The following STXBP4 variants were observed in gnomAD, a reference collection of about 807,000 sequenced individuals.
STXBP4 encodes syntaxin binding protein 4, also known as syntaxin-binding protein 4.
STXBP4 carries 55 observed loss-of-function variants against 76.1 expected under a neutral mutation model. That is an observed-to-expected ratio of 0.72 (90% CI 0.58 to 0.91). STXBP4 has a LOEUF of 0.91. Ranked by LOEUF, STXBP4 falls within the 40% of genes least tolerant of loss-of-function variation. STXBP4 has a pLI of 0.00. For missense variants in STXBP4, 618 were observed against 636.9 expected, an observed-to-expected ratio of 0.97 and a Z score of 0.32; for synonymous variants, 201 against 220.2, an observed-to-expected ratio of 0.91 and a Z score of 0.77.
At chr17:55,115,012 G>T (rs989178781) in intron 16 of STXBP4, among the ~76,000 whole-genome samples, 2 of 151,872 alleles carry the variant, frequency 1.3e-5, no homozygotes. Context: ...AAATGTTTTT[G>T]CCCTGTCCTA....
Position 55,073,058 on chromosome 17 carries a change from T to A in STXBP4, c.1170T>A (p.Asp390Glu). 1 of 1,613,698 alleles carries A rather than the reference T, an allele frequency of 6.2e-7. No individual in the cohort carries two copies. Among genetic ancestry groups the A allele is most frequent in the Non-Finnish European group, 8.5e-7 (1 of 1,179,844 alleles). ...KITELKAQLA[D>E]YSDQNKESVQ... ...CAGAGCTAAAGGCTCAGCTTGCTGA[T>A]TATTCTGACCAAAATAAAGTAAGCA... The change falls in exon 13 of 18, where the codon GAT (aspartate) becomes GAA (glutamate). Residue 390 changes from aspartate (D) to glutamate (E), a missense_variant. Physicochemically the swap from Asp to Glu is conservative, Grantham distance 45. Transcript: ENST00000376352.
Position 55,162,382 on chromosome 17 carries a change from T to A in STXBP4, c.*2471T>A, listed in dbSNP as rs1257081243. ...TGACTCACTGGCTTGGATTTTAGGG[T>A]TAGAAAATCTGAATGTTCTTATGTC... On this transcript the variant is annotated 3_prime_UTR_variant, in exon 18 of 18. Coordinates refer to ENST00000376352, the MANE Select transcript of STXBP4 (RefSeq NM_178509.6). 1.3e-5 allele frequency: 2 copies of A among 152,160 alleles called. No individual in the cohort carries two copies. Among genetic ancestry groups the A allele is most frequent in the Non-Finnish European group, 2.9e-5 (2 of 68,018 alleles). 9.4% of individuals were successfully genotyped at this position (152,160 alleles called of 1,614,324 possible). A position where few individuals can be genotyped will look rare whatever the true frequency, so the allele number is the denominator to read the frequency against.
At chr17:55,208,328 T>G in the STXBP4 span, among the ~76,000 whole-genome samples, 1 of 152,068 alleles carries the variant, frequency 6.6e-6, no homozygotes, top group East Asian at 1.9e-4. Context: ...TGTGCACCTG[T>G]TGCACCCAGT....
At chr17:55,151,151 A>G (rs989792180) in intron 17 of STXBP4, among the ~76,000 whole-genome samples, 4 of 152,172 alleles carry the variant, frequency 2.6e-5, no homozygotes, top group East Asian at 1.9e-4. Context: ...TTACACAACT[A>G]TAAGATAGTA....
chr17:54,975,380 C>T (rs1332111432), intron 1 of STXBP4, among the ~76,000 whole-genome samples: 1 of 152,132 alleles, frequency 6.6e-6, no homozygotes, highest in East Asian at 1.9e-4. Flanking sequence ...TTTATGCAGC[C>T]AGTCCTGGTC....
intron 4 of STXBP4, among the ~76,000 whole-genome samples, chr17:54,995,329 T>A (rs1054616533): frequency 4.6e-5 from 7 of 152,342 alleles, no homozygotes; most frequent in Non-Finnish European, 8.8e-5. Flanking sequence ...AGTTCTCAAA[T>A]GTTCATTTTT....
intron 16 of STXBP4, among the ~76,000 whole-genome samples, chr17:55,126,264 A>G (rs908846725): frequency 6.6e-6 from 1 of 152,194 alleles, no homozygotes; most frequent in African/African-American, 2.4e-5. Flanking sequence ...ACAGATGCCA[A>G]CCTCCAAAAG....
chr17:55,103,274 TAA>T (rs2079588087), intron 16 of STXBP4, among the ~76,000 whole-genome samples: 1 of 152,256 alleles, frequency 6.6e-6, no homozygotes, highest in Non-Finnish European at 1.5e-5. Context: ...GTCTTATATT[TAA>T]GTCTTTAATC....
chr17:55,057,367 A>G (rs1202997054), intron 12 of STXBP4, among the ~76,000 whole-genome samples: 1 of 152,226 alleles, frequency 6.6e-6, no homozygotes, highest in African/African-American at 2.4e-5. Context: ...TGATGACTCA[A>G]TTTACGTGCG....
chr17:55,202,702 G>A, the STXBP4 span, among the ~76,000 whole-genome samples: 65 of 152,078 alleles, frequency 4.3e-4, no homozygotes, highest in Admixed American at 2.2e-3. Flanking sequence ...TTTAATAGGC[G>A]TGGTTTATTT....
At chr17:55,184,070 C>T in the STXBP4 span, among the ~76,000 whole-genome samples, 1 of 151,970 alleles carries the variant, frequency 6.6e-6, no homozygotes. Context: ...AAAACTTGAC[C>T]ATATTCTGGG....
intron 12 of STXBP4, among the ~76,000 whole-genome samples, chr17:55,064,756 C>T (rs971748717): frequency 3.3e-5 from 5 of 152,040 alleles, no homozygotes; most frequent in African/African-American, 7.2e-5. Flanking sequence ...CACCCACCTC[C>T]GCCTCCCAAA....
At chr17:55,004,247 G>T (rs141850084) in intron 7 of STXBP4, among the ~76,000 whole-genome samples, 1 of 151,966 alleles carries the variant, frequency 6.6e-6, no homozygotes, top group African/African-American at 2.4e-5. Context: ...CTAATAGCGC[G>T]TAAAGCCTTA....
At chr17:55,069,464 A>C (rs561408987) in intron 12 of STXBP4, among the ~76,000 whole-genome samples, 1 of 152,304 alleles carries the variant, frequency 6.6e-6, no homozygotes, top group Non-Finnish European at 1.5e-5. Flanking sequence ...ATTTATTAGA[A>C]GACAGCCTGG....
chr17:55,200,689 C>T, the STXBP4 span, among the ~76,000 whole-genome samples: 542 of 152,278 alleles, frequency 3.6e-3, 4 homozygotes, highest in Middle Eastern at 0.01. Context: ...CTTGCAGTCA[C>T]GCTACTCTTT....
chr17:54,979,516 C>A (rs956182260), intron 1 of STXBP4, among the ~76,000 whole-genome samples: 2 of 152,128 alleles, frequency 1.3e-5, no homozygotes, highest in Non-Finnish European at 2.9e-5. Flanking sequence ...CCTTTCTTTT[C>A]TTTTATTCCC....
chr17:55,008,393 T>C (rs1236828325), intron 8 of STXBP4, among the ~76,000 whole-genome samples: 1 of 152,144 alleles, frequency 6.6e-6, no homozygotes. Context: ...TGATAGTCCT[T>C]TCTCATTGCC....
chr17:54,996,628 T>A (rs1161437329), intron 4 of STXBP4, among the ~76,000 whole-genome samples: 1 of 152,170 alleles, frequency 6.6e-6, no homozygotes, highest in Non-Finnish European at 1.5e-5. Context: ...TTTATCCCCA[T>A]TCTACAGCTA....
At chr17:55,074,117 A>C (rs958578386) in intron 13 of STXBP4, among the ~76,000 whole-genome samples, 1 of 152,218 alleles carries the variant, frequency 6.6e-6, no homozygotes, top group African/African-American at 2.4e-5. Flanking sequence ...TCTCTAATCC[A>C]ATCAGTTTCT....
Sources: allele counts gnomAD v4.1 joint callset (sites outside exome capture counted in the v4.1 genomes callset), GRCh38; gene constraint gnomAD v4.1.1; transcripts MANE v1.5; gene names NCBI Gene and HGNC (gene_info 2026-07-23, HGNC 2026-07-21).